EFHC2: variants seen among roughly 807,000 people sequenced by gnomAD.
EFHC2 encodes the protein EF-hand domain-containing family member C2.
A neutral mutation model predicts 52.7 loss-of-function variants in EFHC2; 18 were observed. The observed-to-expected ratio is 0.34, with a 90% CI of 0.24 to 0.51. The LOEUF (loss-of-function observed/expected upper bound fraction) is 0.51, where lower values mean the gene tolerates loss of function less well. EFHC2 is among the 20% of genes least tolerant of loss of function. The pLI, the probability that EFHC2 is intolerant of heterozygous loss-of-function variation, is 0.97. For missense variants in EFHC2, 513 were observed against 562.5 expected, an observed-to-expected ratio of 0.91 and a Z score of 0.89; for synonymous variants, 203 against 204.1, an observed-to-expected ratio of 0.99 and a Z score of 0.04.
rs372877880 is a variant in EFHC2, at chrX:44,178,503, G to A, written c.1813C>T (p.Arg605Cys). Residue 605 changes from arginine to cysteine, a missense_variant, in exon 12 of 15, where the codon CGT becomes TGT. Coordinates refer to ENST00000420999, the MANE Select transcript of EFHC2 (RefSeq NM_025184.4). ...LAEQEFVTIA[R>C]HYRVPEGTCS... ...GTGCCCTCAGGCACACGGTAGTGAC[G>A]TGCAATGGTTACAAATTCTTGCTCT... 5.8e-6 allele frequency: 7 copies of A among 1,203,521 alleles called. No homozygotes were observed. The highest frequency in any genetic ancestry group is 1.7e-5 in the African/African-American group (1 of 57,195).
At chrX:44,185,962 A>T (rs1379806127) in intron 11 of EFHC2, among the ~76,000 whole-genome samples, 7 of 112,120 alleles carry the variant, frequency 6.2e-5, no homozygotes, top group Non-Finnish European at 1.9e-5. Flanking sequence ...AAAATCATTG[A>T]CCCTGTTGTC....
chrX:44,238,944 C>G (rs1228855660), intron 8 of EFHC2, among the ~76,000 whole-genome samples: 1 of 111,762 alleles, frequency 8.9e-6, no homozygotes, highest in Admixed American at 9.5e-5. Flanking sequence ...ATTTTGTTCA[C>G]TGATGTATCA....
At chrX:44,185,920 AT>A (rs1265542437) in intron 11 of EFHC2, among the ~76,000 whole-genome samples, 1 of 112,038 alleles carries the variant, frequency 8.9e-6, no homozygotes, top group African/African-American at 3.2e-5. Context: ...ATTTTTGGAT[AT>A]ATTTTCTCAA....
intron 1 of EFHC2, among the ~76,000 whole-genome samples, chrX:44,329,907 A>T (rs1001279882): frequency 9.1e-5 from 10 of 109,381 alleles, no homozygotes; most frequent in African/African-American, 3.3e-4. Context: ...TGCCCGGCAG[A>T]TCACATTAAA....
chrX:44,212,007 G>C (rs2037101957), intron 11 of EFHC2, among the ~76,000 whole-genome samples: 1 of 109,806 alleles, frequency 9.1e-6, no homozygotes, highest in African/African-American at 3.3e-5. Context: ...CAATTTACTG[G>C]AGCAGAAACC....
intron 11 of EFHC2, among the ~76,000 whole-genome samples, chrX:44,216,563 G>A (rs1184792637): frequency 9.0e-6 from 1 of 111,307 alleles, no homozygotes; most frequent in Non-Finnish European, 1.9e-5. Context: ...TTACATATGA[G>A]TCACAAGCCC....
At chrX:44,294,188 G>T (rs1337412454) in intron 2 of EFHC2, among the ~76,000 whole-genome samples, 1 of 108,771 alleles carries the variant, frequency 9.2e-6, no homozygotes, top group African/African-American at 3.3e-5. Flanking sequence ...GGCAGGTGTG[G>T]AATTTTCCAC....
intron 14 of EFHC2, among the ~76,000 whole-genome samples, chrX:44,158,770 T>A (rs2036628628): frequency 9.0e-6 from 1 of 111,019 alleles, no homozygotes; most frequent in African/African-American, 3.3e-5. Context: ...GAATAGAAGA[T>A]CAGGAAATAA....
chrX:44,178,493 C>A lies in EFHC2; in HGVS notation c.1823G>T (p.Arg608Leu), dbSNP rs746208476. The change falls in exon 12 of 15, where the codon CGT becomes CTT. Residue 608 changes from arginine to leucine, a missense_variant. Coordinates refer to ENST00000420999, the MANE Select transcript of EFHC2 (RefSeq NM_025184.4). Reference protein sequence around the residue: ...QEFVTIARHYRVPEGTCSDMD... With the variant: ...QEFVTIARHYLVPEGTCSDMD... ...ATCTGAACATGTGCCCTCAGGCACA[C>A]GGTAGTGACGTGCAATGGTTACAAA... 21 of 1,204,030 alleles carry A rather than the reference C, an allele frequency of 1.7e-5. No homozygotes were observed. The highest frequency in any genetic ancestry group is 2.2e-5 in the Non-Finnish European group (20 of 892,336).
chrX:44,211,066 T>C (rs905187168), intron 11 of EFHC2, among the ~76,000 whole-genome samples: 5 of 112,068 alleles, frequency 4.5e-5, no homozygotes, highest in African/African-American at 1.6e-4. Context: ...TGTTCAACAT[T>C]ATTAATCATT....
intron 8 of EFHC2, among the ~76,000 whole-genome samples, chrX:44,241,864 A>C (rs956598538): frequency 8.9e-6 from 1 of 112,061 alleles, no homozygotes. Context: ...AGATATATAG[A>C]TAGATATGGA....
intron 11 of EFHC2, among the ~76,000 whole-genome samples, chrX:44,214,129 TAGA>T (rs1229198760): frequency 9.0e-6 from 1 of 111,296 alleles, no homozygotes; most frequent in Non-Finnish European, 1.9e-5. Context: ...ATGGGAATAC[TAGA>T]AGGAGAAGAA....
rs72214962 is a variant in EFHC2, at chrX:44,338,728, C to CAAAA, written c.42+4815_42+4818dup. 2.4e-3 allele frequency among the ~76,000 whole-genome samples: 220 copies of CAAAA among 90,339 alleles called. 3 individuals are homozygous for CAAAA. Among genetic ancestry groups the CAAAA allele is most frequent in the African/African-American group, 8.5e-3 (208 of 24,552 alleles). 78.4% of individuals were successfully genotyped at this position (90,339 alleles called of 115,157 possible). A position where few individuals can be genotyped will look rare whatever the true frequency, so the allele number is the denominator to read the frequency against. On this transcript the variant is annotated intron_variant, in intron 1 of 14. Transcript: ENST00000420999. ...TCTCTTCTTTTTCTTTTTTCCTTTT[C>CAAAA]AAAAAAAAAAAAAGCTGGTCATGAT... is the stretch of plus-strand genomic sequence containing the variant.
At chrX:44,222,363 A>G (rs1048009120) in intron 11 of EFHC2, among the ~76,000 whole-genome samples, 8 of 111,834 alleles carry the variant, frequency 7.2e-5, no homozygotes, top group Non-Finnish European at 1.3e-4. Context: ...TCCAATTTCT[A>G]TTTTCCAAGA....
At chrX:44,189,539 G>T (rs1336685049) in intron 11 of EFHC2, among the ~76,000 whole-genome samples, 1 of 112,088 alleles carries the variant, frequency 8.9e-6, no homozygotes, top group Non-Finnish European at 1.9e-5. Context: ...TCTTCTTTTG[G>T]TGAACGGAAT....
At chrX:44,226,146 CAT>C (rs767125222) in intron 11 of EFHC2, among the ~76,000 whole-genome samples, 10 of 111,702 alleles carry the variant, frequency 9.0e-5, no homozygotes, top group Non-Finnish European at 1.7e-4. Flanking sequence ...TAGGCAAACT[CAT>C]GTGACACACT....
intron 1 of EFHC2, among the ~76,000 whole-genome samples, chrX:44,338,594 C>A (rs112596550): frequency 9.1e-6 from 1 of 109,583 alleles, no homozygotes; most frequent in South Asian, 3.9e-4. Context: ...TATTTTAGTG[C>A]AGGCCAGTTC....
chrX:44,227,594 A>C (rs1288588958), intron 11 of EFHC2, among the ~76,000 whole-genome samples: 1 of 111,503 alleles, frequency 9.0e-6, no homozygotes, highest in African/African-American at 3.3e-5. Context: ...GCAGGGAACA[A>C]CACCATTGAG....
intron 11 of EFHC2, among the ~76,000 whole-genome samples, chrX:44,228,110 C>T (rs145661102): frequency 8.9e-6 from 1 of 112,069 alleles, no homozygotes; most frequent in African/African-American, 3.2e-5. Context: ...TCAAGCCAGG[C>T]GAAACCTGAT....
Sources: allele counts gnomAD v4.1 joint callset (sites outside exome capture counted in the v4.1 genomes callset), GRCh38; gene constraint gnomAD v4.1.1; transcripts MANE v1.5; gene names NCBI Gene and HGNC (gene_info 2026-07-23, HGNC 2026-07-21).